Variants in GPR12 observed in about 807,000 individuals in gnomAD.
GPR12 encodes G protein-coupled receptor 12.
Under a neutral mutation model 18.9 loss-of-function variants are expected in GPR12, and 7 were observed. The observed-to-expected ratio is 0.37, with a 90% CI of 0.21 to 0.70. The LOEUF (loss-of-function observed/expected upper bound fraction) is 0.70. GPR12 is among the 30% of genes least tolerant of loss of function. The probability of loss-of-function intolerance (pLI) is 0.54; values close to 1 mark genes in which losing one functional copy is unlikely to be tolerated. For missense variants in GPR12, 327 were observed against 427.7 expected, an observed-to-expected ratio of 0.76 and a Z score of 2.08; for synonymous variants, 201 against 188.6, an observed-to-expected ratio of 1.07 and a Z score of -0.54.
Position 26,755,512 on chromosome 13 carries a change from T to C in GPR12, c.*3311A>G, listed in dbSNP as rs1042524515. Reference sequence around the variant, plus strand: ...CTTCTTGTTTCAATCCTATTTTAAATCCTGGGGGAGTCTAAGACTATTTCT... The same window carrying C: ...CTTCTTGTTTCAATCCTATTTTAAACCCTGGGGGAGTCTAAGACTATTTCT... On this transcript the variant is annotated 3_prime_UTR_variant, in exon 2 of 2. Coordinates refer to ENST00000405846, the MANE Select transcript of GPR12 (RefSeq NM_005288.4). 62 of 152,280 alleles carry C rather than the reference T, an allele frequency of 4.1e-4. No homozygotes were observed. The highest frequency in any genetic ancestry group is 1.5e-3 in the African/African-American group (61 of 41,558). 9.4% of individuals were successfully genotyped at this position (152,280 alleles called of 1,614,324 possible).
chr13:26,759,880 A>T lies in GPR12; in HGVS notation c.-15-38T>A, dbSNP rs112467517. On this transcript the variant is annotated intron_variant, in intron 1 of 1. Coordinates refer to ENST00000405846, the MANE Select transcript of GPR12 (RefSeq NM_005288.4). ...GACAGGCTTTTTAATGTTTAAATAC[A>T]GCAGGGTGACAATCCAAGATCATGC... 3,122 of 1,516,778 alleles carry T rather than the reference A, an allele frequency of 2.1e-3. 42 individuals carry two copies. The African/African-American group carries it at 0.033, about 16-fold the overall frequency. The allele number at this position is 1,516,778 out of a possible 1,614,324, so 94.0% of individuals were successfully genotyped here. A position where few individuals can be genotyped will look rare whatever the true frequency, so the allele number is the denominator to read the frequency against.
At position 26,756,437 on chromosome 13, in the gene GPR12, TG is replaced by T. The variant is rs1439802292; in HGVS notation, c.*2385del. 1 of 152,256 alleles carries T rather than the reference TG, an allele frequency of 6.6e-6. No homozygotes were observed. Among genetic ancestry groups the T allele is most frequent in the Non-Finnish European group, 1.5e-5 (1 of 68,098 alleles). 9.4% of individuals were successfully genotyped at this position (152,256 alleles called of 1,614,324 possible). On this transcript the variant is annotated 3_prime_UTR_variant, in exon 2 of 2. Coordinates refer to ENST00000405846, the MANE Select transcript of GPR12 (RefSeq NM_005288.4). The stretch of plus-strand genomic sequence containing the variant: ...CTGACCTCAGGTGATCCACCTGCCT[TG>T]GCCCCCCAAAGTGCTGGGATTACAG...
chr13:26,759,369 C>G lies in GPR12; in HGVS notation c.459G>C (p.Thr153=). 6.2e-7 allele frequency: 1 copy of G among 1,613,844 alleles called. No homozygotes were observed. Among genetic ancestry groups the G allele is most frequent in the Non-Finnish European group, 8.5e-7 (1 of 1,180,020 alleles). The change falls in exon 2 of 2, where the codon ACG becomes ACC. Residue 153 remains threonine, a synonymous_variant. Coordinates refer to ENST00000405846, the MANE Select transcript of GPR12 (RefSeq NM_005288.4). ...CGAGCATGACATAGGTAAACGTGAC[C>G]GTCCTCTCCGAATGGTACGTCAGAG... ...YYALTYHSER[T]VTFTYVMLVM...
chr13:26,759,636 A>C lies in GPR12; in HGVS notation c.192T>G (p.Ile64Met). Residue 64 changes from isoleucine to methionine, a missense_variant, in exon 2 of 2, where the codon ATT (isoleucine) becomes ATG (methionine). Transcript: ENST00000405846. The stretch of plus-strand genomic sequence containing the variant: ...GGTTGTGGAAGATGATAAGGACCAC[A>C]ATGGCATTTTCACAGGAGATGAGGG... ...SGTLISCENAIVVLIIFHNPS... is the reference protein window; with the variant it reads ...SGTLISCENAMVVLIIFHNPS... The C allele has an allele frequency of 6.2e-7, 1 of 1,614,100 alleles. No individual in the cohort carries two copies. Among genetic ancestry groups the C allele is most frequent in the Non-Finnish European group, 8.5e-7 (1 of 1,179,964 alleles).
Position 26,757,609 on chromosome 13 carries a change from T to C in GPR12, c.*1214A>G, listed in dbSNP as rs542779889. 22 of 152,214 alleles carry C rather than the reference T, an allele frequency of 1.4e-4. No homozygotes were observed. The highest frequency in any genetic ancestry group is 2.9e-4 in the Non-Finnish European group (20 of 68,028). The allele number at this position is 152,214 out of a possible 1,614,324, so 9.4% of individuals were successfully genotyped here. A position where few individuals can be genotyped will look rare whatever the true frequency, so the allele number is the denominator to read the frequency against. ...GAGTTAAAAGATTTCAAACTTAACT[T>C]TTCATCAACAGCCAATGGTCATTCT... On this transcript the variant is annotated 3_prime_UTR_variant, in exon 2 of 2. Transcript: ENST00000405846.
In GPR12 at chr13:26,755,320, A is replaced by T. The variant is rs1884354602; in HGVS notation, c.*3503T>A. 6.6e-6 allele frequency: 1 copy of T among 152,252 alleles called. No individual in the cohort carries two copies. Among genetic ancestry groups the T allele is most frequent in the Non-Finnish European group, 1.5e-5 (1 of 68,042 alleles). The allele number at this position is 152,252 out of a possible 1,614,324, so 9.4% of individuals were successfully genotyped here. On this transcript the variant is annotated 3_prime_UTR_variant, in exon 2 of 2. Coordinates refer to ENST00000405846, the MANE Select transcript of GPR12 (RefSeq NM_005288.4). The stretch of plus-strand genomic sequence containing the variant: ...GTCACTTAATTAATATGTATTTTAA[A>T]TCTGAAATGGCAAGTCATCCTAACT...
chr13:26,758,435 C>A lies in GPR12; in HGVS notation c.*388G>T. ...AAAAAGTAAGTCTTTCTCAATTTTC[C>A]TCAATCACTCAAATTTATTTTAAAG... is the stretch of plus-strand genomic sequence containing the variant. On this transcript the variant is annotated 3_prime_UTR_variant, in exon 2 of 2. Coordinates refer to ENST00000405846, the MANE Select transcript of GPR12 (RefSeq NM_005288.4). 6.0e-6 allele frequency: 1 copy of A among 167,454 alleles called. No homozygotes were observed. Among genetic ancestry groups the A allele is most frequent in the Admixed American group, 6.0e-5 (1 of 16,532 alleles). 10.4% of individuals were successfully genotyped at this position (167,454 alleles called of 1,614,324 possible). A position where few individuals can be genotyped will look rare whatever the true frequency, so the allele number is the denominator to read the frequency against.
Position 26,759,313 on chromosome 13 carries a change from C to A in GPR12, c.515G>T (p.Gly172Val). 1 of 1,613,196 alleles carries A rather than the reference C, an allele frequency of 6.2e-7. No homozygotes were observed. Among genetic ancestry groups the A allele is most frequent in the Non-Finnish European group, 8.5e-7 (1 of 1,179,996 alleles). The change falls in exon 2 of 2, where the codon GGG becomes GTG. Residue 172 changes from glycine (G) to valine (V), a missense_variant. Physicochemically the swap from Gly to Val is moderately radical, Grantham distance 109 (BLOSUM62 -3). Coordinates refer to ENST00000405846, the MANE Select transcript of GPR12 (RefSeq NM_005288.4). ...VMLWGTSICL[G>V]LLPVMGWNCL... is the part of the protein sequence containing the mutation. ...GTTCCAGCCCATGACGGGCAGCAGC[C>A]CCAGGCAGATGGAGGTCCCCCAGAG...
At position 26,755,756 on chromosome 13, in the gene GPR12, T is replaced by C. The variant is rs1256513968; in HGVS notation, c.*3067A>G. ...TGACTAGTTTTGACTAATTCAGGAT[T>C]CTGGTAAAGTAATGGAACTGTCCTA... On this transcript the variant is annotated 3_prime_UTR_variant, in exon 2 of 2. Transcript: ENST00000405846. The C allele has an allele frequency of 6.6e-6, 1 of 152,360 alleles. No individual in the cohort carries two copies. Among genetic ancestry groups the C allele is most frequent in the East Asian group, 1.9e-4 (1 of 5,192 alleles). The allele number at this position is 152,360 out of a possible 1,614,324, so 9.4% of individuals were successfully genotyped here.
rs970067833 is a variant in GPR12 at position 26,758,526 on chromosome 13, T to G, written c.*297A>C. On this transcript the variant is annotated 3_prime_UTR_variant, in exon 2 of 2. Transcript: ENST00000405846. Reference sequence around the variant, plus strand: ...TCATGGGCGTATCATATCCCTTCCTTTCCTACCCCCAGTCAGCCCTCCAAA... The same window carrying G: ...TCATGGGCGTATCATATCCCTTCCTGTCCTACCCCCAGTCAGCCCTCCAAA... 3 of 346,968 alleles carry G rather than the reference T, an allele frequency of 8.6e-6. No homozygotes were observed. Among genetic ancestry groups the G allele is most frequent in the Admixed American group, 4.2e-5 (1 of 23,530 alleles). The allele number at this position is 346,968 out of a possible 1,614,324, so 21.5% of individuals were successfully genotyped here. A position where few individuals can be genotyped will look rare whatever the true frequency, so the allele number is the denominator to read the frequency against.
rs564815325 is a variant in GPR12 at position 26,758,695 on chromosome 13, C to G, written c.*128G>C. 65 of 1,329,506 alleles carry G rather than the reference C, an allele frequency of 4.9e-5. No homozygotes were observed. The African/African-American group carries it at 8.7e-4, about 18-fold the overall frequency. The allele number at this position is 1,329,506 out of a possible 1,614,324, so 82.4% of individuals were successfully genotyped here. ...ACTCATCTGAACGATGTCATTGTTT[C>G]ACGAATGCTAAGTGCTCCTGTGGCT... On this transcript the variant is annotated 3_prime_UTR_variant, in exon 2 of 2. Transcript: ENST00000405846.
rs1884402179 is a variant in GPR12 at position 26,757,762 on chromosome 13, T to A, written c.*1061A>T. 1 of 152,224 alleles carries A rather than the reference T, an allele frequency of 6.6e-6. No individual in the cohort carries two copies. The highest frequency in any genetic ancestry group is 1.9e-4 in the East Asian group (1 of 5,198). The allele number at this position is 152,224 out of a possible 1,614,324, so 9.4% of individuals were successfully genotyped here. Reference sequence around the variant, plus strand: ...CAAATGCATTATGCACCACAGACAGTATGAACCAGAAAAACTTGGCCTATA... The same window carrying A: ...CAAATGCATTATGCACCACAGACAGAATGAACCAGAAAAACTTGGCCTATA... On this transcript the variant is annotated 3_prime_UTR_variant, in exon 2 of 2. Transcript: ENST00000405846.
In GPR12 at chr13:26,759,370, G is replaced by A. The variant is rs771882043; in HGVS notation, c.458C>T (p.Thr153Met). The A allele has an allele frequency of 2.5e-6, 4 of 1,613,738 alleles. No homozygotes were observed. Among genetic ancestry groups the A allele is most frequent in the African/African-American group, 2.7e-5 (2 of 74,888 alleles). ...GAGCATGACATAGGTAAACGTGACC[G>A]TCCTCTCCGAATGGTACGTCAGAGC... ...YYALTYHSER[T>M]VTFTYVMLVM... Residue 153 changes from threonine (T) to methionine (M), a missense_variant, in exon 2 of 2, where the codon ACG becomes ATG. By Grantham distance (81) the Thr-to-Met change is moderately conservative. Transcript: ENST00000405846.
In GPR12 at chr13:26,758,616, A is replaced by T; in HGVS notation, c.*207T>A. On this transcript the variant is annotated 3_prime_UTR_variant, in exon 2 of 2. Coordinates refer to ENST00000405846, the MANE Select transcript of GPR12 (RefSeq NM_005288.4). The stretch of plus-strand genomic sequence containing the variant: ...AATAATGTTGAGTGGAGAGCTCAAC[A>T]ATTTTTTTTAATGGTGAAAACACTG... The T allele has an allele frequency of 1.3e-6, 1 of 774,254 alleles. No homozygotes were observed. The highest frequency in any genetic ancestry group is 1.9e-6 in the Non-Finnish European group (1 of 516,880). 48.0% of individuals were successfully genotyped at this position (774,254 alleles called of 1,614,324 possible). A position where few individuals can be genotyped will look rare whatever the true frequency, so the allele number is the denominator to read the frequency against.
intron 1 of GPR12, chr13:26,760,045 C>T (rs976221527): frequency 2.1e-5 from 17 of 795,192 alleles, no homozygotes; most frequent in African/African-American, 1.4e-4. Flanking sequence ...ACAAAAATGC[C>T]GTTTGGCATT....
At position 26,759,477 on chromosome 13, in the gene GPR12, G is replaced by A. The variant is rs768485819; in HGVS notation, c.351C>T (p.Ile117=). ...LQSEATKLVT[I]GLIVASFSAS... ...CAGAGAAAGAGGCGACAATGAGGCC[G>A]ATCGTGACCAGCTTGGTGGCTTCTG... Residue 117 remains isoleucine (I), a synonymous_variant, in exon 2 of 2, where the codon ATC becomes ATT. Transcript: ENST00000405846. 37 of 1,614,052 alleles carry A rather than the reference G, an allele frequency of 2.3e-5. No individual in the cohort carries two copies. The highest frequency in any genetic ancestry group is 3.0e-5 in the Non-Finnish European group (35 of 1,180,046).
intron 1 of GPR12, chr13:26,760,219 A>C: frequency 1.1e-5 from 2 of 177,202 alleles, no homozygotes; most frequent in Non-Finnish European, 2.7e-5. Flanking sequence ...CTGCCGAGAA[A>C]ACCACGCGGC....
At position 26,756,011 on chromosome 13, in the gene GPR12, C is replaced by T. The variant is rs142520951; in HGVS notation, c.*2812G>A. 27 of 152,222 alleles carry T rather than the reference C, an allele frequency of 1.8e-4. No individual in the cohort carries two copies. The highest frequency in any genetic ancestry group is 5.5e-4 in the African/African-American group (23 of 41,538). 9.4% of individuals were successfully genotyped at this position (152,222 alleles called of 1,614,324 possible). A position where few individuals can be genotyped will look rare whatever the true frequency, so the allele number is the denominator to read the frequency against. ...TGTGTGCACATTTAAAAATAATTAG[C>T]TCCACAGGAAAAAAGAAACCTTGTA... is the stretch of plus-strand genomic sequence containing the variant. On this transcript the variant is annotated 3_prime_UTR_variant, in exon 2 of 2. Coordinates refer to ENST00000405846, the MANE Select transcript of GPR12 (RefSeq NM_005288.4).
Position 26,759,288 on chromosome 13 carries a change from G to T in GPR12, c.540C>A (p.Asn180Lys). ...TGCAGGTGGACTCGTCTCGGAGGCA[G>T]TTCCAGCCCATGACGGGCAGCAGCC... ...CLGLLPVMGW[N>K]CLRDESTCSV... Residue 180 changes from asparagine (N) to lysine (K), a missense_variant, in exon 2 of 2, where the codon AAC becomes AAA. Transcript: ENST00000405846. 1.2e-6 allele frequency: 2 copies of T among 1,613,224 alleles called. No homozygotes were observed. The highest frequency in any genetic ancestry group is 8.5e-7 in the Non-Finnish European group (1 of 1,179,990).
Sources: gnomAD v4.1 joint callset for allele counts on GRCh38, gnomAD v4.1.1 for gene constraint, MANE v1.5 for transcripts, NCBI Gene and HGNC (gene_info 2026-07-23, HGNC 2026-07-21) for gene names.